ANK2: variants seen among roughly 807,000 people sequenced by gnomAD.
ANK2 encodes the protein ankyrin-2.
ANK2 carries 83 observed loss-of-function variants against 360.5 expected under a neutral mutation model. That is an observed-to-expected ratio of 0.23 (90% confidence interval 0.19 to 0.28). The LOEUF is 0.28. Among genes scored for constraint, ANK2 ranks in the 10% least tolerant of loss-of-function variants. The pLI is 1.00. For synonymous variants in ANK2, 1,740 were observed against 1,759.5 expected, an observed-to-expected ratio of 0.99 and a Z score of 0.28; for missense variants, 4,201 against 4,795.7, an observed-to-expected ratio of 0.88 and a Z score of 3.66.
chr4:113,013,352 G>C (rs2055429455), intron 2 of ANK2, among the ~76,000 whole-genome samples: 1 of 152,052 alleles, frequency 6.6e-6, no homozygotes, highest in African/African-American at 2.4e-5. Flanking sequence ...AATTTTAAAA[G>C]GAAAAGTATC....
chr4:113,237,497 A>T lies in ANK2; in HGVS notation c.670-102A>T. The stretch of plus-strand genomic sequence containing the variant: ...TTCTTCCAGTAGAATGCATTTTGCC[A>T]TGTTGGAACAGTATACCCAATTGCA... On this transcript the variant is annotated intron_variant, in intron 6 of 45. Transcript: ENST00000357077. 3 of 1,177,534 alleles carry T rather than the reference A, an allele frequency of 2.5e-6. No homozygotes were observed. The South Asian group carries it at 3.7e-5, about 14-fold the overall frequency. 72.9% of individuals were successfully genotyped at this position (1,177,534 alleles called of 1,614,324 possible).
intron 1 of ANK2, among the ~76,000 whole-genome samples, chr4:113,143,626 A>G (rs879658979): frequency 1.3e-5 from 2 of 152,166 alleles, no homozygotes; most frequent in African/African-American, 2.4e-5. Flanking sequence ...AGCTGGAAAA[A>G]TCTTGGTTGG....
At chr4:112,948,706 T>C (rs1410202127) in intron 2 of ANK2, among the ~76,000 whole-genome samples, 1 of 152,196 alleles carries the variant, frequency 6.6e-6, no homozygotes, top group African/African-American at 2.4e-5. Context: ...TTTTCAGATA[T>C]TAAAAAGTCT....
intron 2 of ANK2, among the ~76,000 whole-genome samples, chr4:112,924,770 T>TA (rs2092285329): frequency 6.6e-6 from 1 of 151,888 alleles, no homozygotes; most frequent in South Asian, 2.1e-4. Context: ...TAGTGGTTTT[T>TA]ATCTGGATAC....
At chr4:113,043,626 C>T (rs904559089) in intron 2 of ANK2, among the ~76,000 whole-genome samples, 6 of 151,972 alleles carry the variant, frequency 3.9e-5, no homozygotes, top group Non-Finnish European at 8.8e-5. Flanking sequence ...TCTTTGTTAT[C>T]TTTATATTCC....
At chr4:112,961,578 C>T (rs997931441) in intron 2 of ANK2, among the ~76,000 whole-genome samples, 2 of 151,984 alleles carry the variant, frequency 1.3e-5, no homozygotes, top group Non-Finnish European at 2.9e-5. Flanking sequence ...ACGTGCATAC[C>T]ATGGGTGGAG....
intron 2 of ANK2, among the ~76,000 whole-genome samples, chr4:113,184,639 T>G (rs1355912522): frequency 6.6e-6 from 1 of 152,184 alleles, no homozygotes; most frequent in Non-Finnish European, 1.5e-5. Context: ...CTTCCAGCCC[T>G]TTTGCAGTAG....
At position 112,837,388 on chromosome 4, in the gene ANK2, C is replaced by A. The variant is rs183638220; in HGVS notation, c.-40+19124C>A. 5.5e-3 allele frequency among the ~76,000 whole-genome samples: 836 copies of A among 152,326 alleles called. 4 individuals are homozygous for A. The highest frequency in any genetic ancestry group is 0.019 in the African/African-American group (779 of 41,576). On this transcript the variant is annotated intron_variant, in intron 1 of 30. Transcript: ENST00000503271. ...TCTGCTGCAGCTGCAGGGATGGAGC[C>A]CTCATGGCGAACCTCTGCTGGGGCA...
At chr4:112,975,981 T>A (rs1391429804) in intron 2 of ANK2, among the ~76,000 whole-genome samples, 1 of 152,180 alleles carries the variant, frequency 6.6e-6, no homozygotes, top group African/African-American at 2.4e-5. Flanking sequence ...GGCTCCTATC[T>A]TATATTTAAT....
chr4:113,244,929 T>G (rs1006033962), intron 9 of ANK2, among the ~76,000 whole-genome samples: 1 of 152,296 alleles, frequency 6.6e-6, no homozygotes, highest in African/African-American at 2.4e-5. Flanking sequence ...TCCATGTCCC[T>G]GCAAAGGACA....
the ANK2 span, among the ~76,000 whole-genome samples, chr4:112,782,933 G>A: frequency 4.3e-3 from 653 of 151,564 alleles, 4 homozygotes; most frequent in Middle Eastern, 6.8e-3. Context: ...TTTTTGAGAC[G>A]GAGTCTCACT....
At chr4:113,228,251 T>C (rs116150732) in intron 4 of ANK2, among the ~76,000 whole-genome samples, 4,272 of 152,306 alleles carry the variant, frequency 0.028, 104 homozygotes, top group East Asian at 0.068. Context: ...ATAAGTTCTT[T>C]GGTGGTGATT....
Position 113,354,824 on chromosome 4 carries a change from G to A in ANK2, c.6206G>A (p.Arg2069His), listed in dbSNP as rs149645600. ...ACAGCAGAATCCAAAAGAGGAGTTC[G>A]TGTTTCCTCCATAGGAGTTAAGAAA... is the stretch of plus-strand genomic sequence containing the variant. ...TGTAESKRGV[R>H]VSSIGVKKED... Residue 2069 changes from arginine (R) to histidine (H), a missense_variant, in exon 38 of 46, where the codon CGT becomes CAT. Around this residue, in one of 4 missense-constraint regions of ANK2, gnomAD observed 2,642 missense variants for 2,714.5 expected, o/e 0.97. Transcript: ENST00000357077. 1.1e-3 allele frequency: 1,706 copies of A among 1,614,144 alleles called. 3 individuals are homozygous for A. The highest frequency in any genetic ancestry group is 1.4e-3 in the Non-Finnish European group (1,601 of 1,180,012).
chr4:113,338,771 G>T (rs1467850832), intron 31 of ANK2, among the ~76,000 whole-genome samples: 1 of 151,808 alleles, frequency 6.6e-6, no homozygotes, highest in Non-Finnish European at 1.5e-5. Context: ...GGATGGTCTT[G>T]ATCTCCTGAC....
At chr4:113,278,066 G>GCCACCATGTCTATT in intron 16 of ANK2, 131 bp downstream of exon 16, 2 of 904,952 alleles carry the variant, frequency 2.2e-6, no homozygotes, top group Non-Finnish European at 3.5e-6. Flanking sequence ...AATAGACATG[G>GCCACCATGTCTATT]TGGCGATGTC....
At chr4:112,852,416 T>TA (rs1264003671) in intron 1 of ANK2, among the ~76,000 whole-genome samples, 1 of 152,240 alleles carries the variant, frequency 6.6e-6, no homozygotes, top group African/African-American at 2.4e-5. Flanking sequence ...ATGTTTCTTT[T>TA]AAAAAATCTC....
chr4:112,937,328 CTT>C (rs10712090), intron 2 of ANK2, among the ~76,000 whole-genome samples: 2,467 of 138,290 alleles, frequency 0.018, 45 homozygotes, highest in African/African-American at 0.051. Flanking sequence ...CAATTATTGT[CTT>C]TTTTTTTTTT....
At chr4:112,944,728 G>A (rs563723010) in intron 2 of ANK2, among the ~76,000 whole-genome samples, 2 of 152,296 alleles carry the variant, frequency 1.3e-5, no homozygotes, top group South Asian at 2.1e-4. Context: ...TGTTTGCAAT[G>A]AAGAGAGCTG....
chr4:113,199,370 A>G (rs2098796422), intron 4 of ANK2, among the ~76,000 whole-genome samples: 1 of 152,114 alleles, frequency 6.6e-6, no homozygotes, highest in Non-Finnish European at 1.5e-5. Context: ...ATATAAAGTG[A>G]TTTTTTTCAG....
Sources: allele counts gnomAD v4.1 joint callset (sites outside exome capture counted in the v4.1 genomes callset), GRCh38; gene constraint gnomAD v4.1.1; regional missense constraint gnomAD v4.1.1; transcripts MANE v1.5; gene names NCBI Gene and HGNC (gene_info 2026-07-23, HGNC 2026-07-21).